Variants in SPATA13 observed in about 807,000 individuals in gnomAD.
SPATA13 encodes spermatogenesis-associated protein 13.
SPATA13 carries 50 observed loss-of-function variants against 104.0 expected under a neutral mutation model. The observed-to-expected ratio is 0.48, with a 90% CI of 0.38 to 0.61. The LOEUF (loss-of-function observed/expected upper bound fraction) is 0.61, where lower values mean the gene tolerates loss of function less well. SPATA13 is among the 20% of genes least tolerant of loss of function. SPATA13 has a pLI of 0.00. For synonymous variants in SPATA13, 606 were observed against 667.5 expected, an observed-to-expected ratio of 0.91 and a Z score of 1.42; for missense variants, 1,524 against 1,690.6, an observed-to-expected ratio of 0.90 and a Z score of 1.73.
In SPATA13 at chr13:24,004,273, A is replaced by C. The variant is rs138798436; in HGVS notation, c.-146-13394A>C. Reference sequence around the variant, plus strand: ...TTTGCTCTGCAGTCATCAGTCAATAAAGAGTCAGGAGTGAAATCCCGGTTC... The same window carrying C: ...TTTGCTCTGCAGTCATCAGTCAATACAGAGTCAGGAGTGAAATCCCGGTTC... On this transcript the variant is annotated intron_variant, in intron 2 of 14. Coordinates refer to the SPATA13 transcript ENST00000424834. Among the ~76,000 whole-genome samples, 10 of 152,334 alleles carry C rather than the reference A, an allele frequency of 6.6e-5. No individual in the cohort carries two copies. The East Asian group carries it at 1.9e-3, about 29-fold the overall frequency.
chr13:24,238,839 C>G (rs1381180976), intron 2 of SPATA13, among the ~76,000 whole-genome samples: 1 of 152,090 alleles, frequency 6.6e-6, no homozygotes, highest in Non-Finnish European at 1.5e-5. Context: ...TGAGTTAAAC[C>G]TACTGGAAAT....
intron 1 of SPATA13, among the ~76,000 whole-genome samples, chr13:24,198,403 C>T (rs1870209185): frequency 6.6e-6 from 1 of 152,156 alleles, no homozygotes; most frequent in African/African-American, 2.4e-5. Flanking sequence ...AAGCAGCAAG[C>T]CTATTTCAGG....
chr13:24,136,648 C>T (rs1881580584), intron 3 of SPATA13, among the ~76,000 whole-genome samples: 2 of 152,186 alleles, frequency 1.3e-5, no homozygotes, highest in South Asian at 2.1e-4. Context: ...TTTGGGGCCA[C>T]GATGTTCACC....
At chr13:24,031,983 T>A (rs1032690586) in intron 3 of SPATA13, among the ~76,000 whole-genome samples, 2 of 152,246 alleles carry the variant, frequency 1.3e-5, no homozygotes, top group Non-Finnish European at 2.9e-5. Context: ...ATTCTTTTGC[T>A]TGGCCAAACT....
At chr13:24,179,736 G>A (rs901969865) in intron 1 of SPATA13, among the ~76,000 whole-genome samples, 1 of 152,134 alleles carries the variant, frequency 6.6e-6, no homozygotes, top group Non-Finnish European at 1.5e-5. Context: ...ATCTTATTTG[G>A]ATTTGAGTTG....
rs139063276 is a variant in SPATA13, at chr13:24,135,112, A to T, written c.-111-87707A>T. ...AGCCCTGCCAATGCCTTGATCTCGAACTTCTCAACTCCAGAGCCGCAGGAA... is the reference window on the plus strand; with the variant it reads ...AGCCCTGCCAATGCCTTGATCTCGATCTTCTCAACTCCAGAGCCGCAGGAA... On this transcript the variant is annotated intron_variant, in intron 3 of 14. Transcript: ENST00000424834. Among the ~76,000 whole-genome samples the T allele has an allele frequency of 3.0e-4, 46 of 152,254 alleles. 1 individual carries two copies. Among genetic ancestry groups the T allele is most frequent in the Non-Finnish European group, 5.9e-5 (4 of 68,016 alleles).
chr13:24,031,277 A>G (rs1014479913), intron 3 of SPATA13, among the ~76,000 whole-genome samples: 6 of 152,202 alleles, frequency 3.9e-5, no homozygotes, highest in Admixed American at 1.3e-4. Context: ...GCACAGACCA[A>G]GGTCTGGTCC....
intron 1 of SPATA13, among the ~76,000 whole-genome samples, chr13:24,188,300 C>T (rs925022845): frequency 8.6e-5 from 13 of 151,614 alleles, no homozygotes; most frequent in African/African-American, 2.4e-4. Context: ...TCACTGCACT[C>T]CAGCCTGGGC....
intron 2 of SPATA13, among the ~76,000 whole-genome samples, chr13:24,247,691 CCAGCTGGT>C (rs1267469896): frequency 1.3e-5 from 2 of 151,992 alleles, no homozygotes; most frequent in African/African-American, 2.4e-5. Context: ...ACCATGTTGG[CCAGCTGGT>C]CTCAAACTCC....
chr13:24,123,947 T>G, intron 3 of SPATA13: 2 of 530,186 alleles, frequency 3.8e-6, no homozygotes, highest in East Asian at 6.5e-5. Context: ...TGAGATAACC[T>G]GGGCAGACTC....
intron 2 of SPATA13, among the ~76,000 whole-genome samples, chr13:24,231,278 G>T (rs1187157759): frequency 6.6e-6 from 1 of 152,142 alleles, no homozygotes; most frequent in Non-Finnish European, 1.5e-5. Flanking sequence ...TCTGTTCCTA[G>T]CCCCAGCCTC....
chr13:24,253,457 A>G (rs149351864), intron 4 of SPATA13, among the ~76,000 whole-genome samples: 1 of 137,570 alleles, frequency 7.3e-6, no homozygotes, highest in East Asian at 2.0e-4. Flanking sequence ...GTGCCTCTTC[A>G]GCGTTGATTA....
At position 24,286,388 on chromosome 13, in the gene SPATA13, G is replaced by A. The variant is rs142244461; in HGVS notation, c.2476G>A (p.Val826Ile). 39 of 1,611,744 alleles carry A rather than the reference G, an allele frequency of 2.4e-5. No homozygotes were observed. The highest frequency in any genetic ancestry group is 2.2e-4 in the Middle Eastern group (1 of 4,578). The change falls in exon 6 of 13, where the codon GTC becomes ATC. Residue 826 changes from valine (V) to isoleucine (I), a missense_variant. This residue lies in a region of SPATA13 where 1,089 missense variants were observed against 1,135.9 expected (regional missense o/e 0.96). Transcript: ENST00000382108. The surrounding 1 kb of genome is among the most constrained non-coding windows in gnomAD (Gnocchi z 4.9). ...GGAAGCCTGGTTCCCCGCGAGCTTC[G>A]TCAGAGTAAGTGTGGGGTGCTTGCA... The part of the protein sequence containing the change: ...DKEAWFPASF[V>I]RLRVNQEELS...
At chr13:24,017,780 G>A in intron 3 of SPATA13, 13 of 780,190 alleles carry the variant, frequency 1.7e-5, no homozygotes, top group South Asian at 5.8e-5. Context: ...TTTGCAGATT[G>A]TATAATCTGT....
rs373201313 is a variant in SPATA13 at position 24,255,175 on chromosome 13, C to T, written c.2164+3313C>T. ...TGGGAAGAGTATTGCTTACATTTGC[C>T]GCCGGGAGTTTCCCTGTCCTGAGGA... is the stretch of plus-strand genomic sequence containing the variant. On this transcript the variant is annotated intron_variant, in intron 4 of 12. Coordinates refer to ENST00000382108, the MANE Select transcript of SPATA13 (RefSeq NM_001166271.3). Among the ~76,000 whole-genome samples, 23 of 152,264 alleles carry T rather than the reference C, an allele frequency of 1.5e-4. 1 individual carries two copies. The East Asian group carries it at 2.7e-3, about 18-fold the overall frequency.
intron 4 of SPATA13, among the ~76,000 whole-genome samples, chr13:24,265,498 C>T (rs138030723): frequency 6.6e-6 from 1 of 152,346 alleles, no homozygotes; most frequent in Non-Finnish European, 1.5e-5. Flanking sequence ...CTGTGAAGGA[C>T]TCTCCCATCC....
chr13:23,987,001 C>CTCTG (rs1555252373), intron 2 of SPATA13, among the ~76,000 whole-genome samples: 7 of 141,426 alleles, frequency 4.9e-5, no homozygotes, highest in Non-Finnish European at 9.1e-5. Flanking sequence ...ATGGATATAT[C>CTCTG]TGTGTGTGTG....
chr13:24,020,240 G>A (rs891222249), intron 3 of SPATA13, among the ~76,000 whole-genome samples: 4 of 152,280 alleles, frequency 2.6e-5, no homozygotes, highest in African/African-American at 9.6e-5. Flanking sequence ...GTTTTAAACT[G>A]TTCCATTTCA....
At chr13:24,093,950 G>A (rs989384083) in intron 3 of SPATA13, among the ~76,000 whole-genome samples, 2 of 83,606 alleles carry the variant, frequency 2.4e-5, no homozygotes, top group African/African-American at 3.3e-5. Context: ...TCCCCGTCCC[G>A]GAGGTTAGAT....
Sources: allele counts gnomAD v4.1 joint callset (sites outside exome capture counted in the v4.1 genomes callset), GRCh38; gene constraint gnomAD v4.1.1; regional missense constraint gnomAD v4.1.1; non-coding constraint Gnocchi (gnomAD v3.1); transcripts MANE v1.5; gene names NCBI Gene and HGNC (gene_info 2026-07-23, HGNC 2026-07-21).